The following HTT variants were observed in gnomAD, a reference collection of about 807,000 sequenced individuals.
HTT encodes the protein huntington disease protein.
HTT carries 104 observed loss-of-function variants against 362.3 expected under a neutral mutation model. The ratio of observed to expected loss-of-function variants is 0.29; its 90% CI spans 0.24 to 0.34. The LOEUF is 0.34. Among genes scored for constraint, HTT ranks in the 10% least tolerant of loss-of-function variants. HTT has a pLI of 1.00. For synonymous variants in HTT, 1,577 were observed against 1,548.7 expected (o/e 1.02, Z -0.43); for missense variants, 3,301 against 3,928.6 (o/e 0.84, Z 4.27).
chr4:3,075,275 G>T (rs1434964032), intron 1 of HTT, among the ~76,000 whole-genome samples, 187 bp downstream of exon 1: 1 of 152,212 alleles, frequency 6.6e-6, no homozygotes, highest in Non-Finnish European at 1.5e-5. Flanking sequence ...CCCCACTTCA[G>T]CCCCGCTCCC....
intron 21 of HTT, among the ~76,000 whole-genome samples, chr4:3,138,682 C>T (rs113928896): frequency 0.092 from 13,980 of 152,202 alleles, 1,025 homozygotes; most frequent in Non-Finnish European, 0.13. Context: ...GGTGCGATCT[C>T]GGCTCACTGC....
intron 61 of HTT, 92 bp downstream of exon 61, chr4:3,233,445 GC>G: frequency 7.8e-7 from 1 of 1,278,574 alleles, no homozygotes; most frequent in Non-Finnish European, 1.1e-6. Flanking sequence ...CAGGCTCCTG[GC>G]CAGATGGCAG....
In HTT at chr4:3,199,770, T is replaced by C. The variant is rs776295296; in HGVS notation, c.5407T>C (p.Phe1803Leu). 6.2e-6 allele frequency: 10 copies of C among 1,614,058 alleles called. No individual in the cohort carries two copies. Among genetic ancestry groups the C allele is most frequent in the Non-Finnish European group, 7.6e-6 (9 of 1,180,032 alleles). ...AATCACAGCAGCTGCCACTAGGCTG[T>C]TCCGCAGTGATGGCTGTGGCGGCAG... ...RRITAAATRLFRSDGCGGSFY... is the reference protein window; with the variant it reads ...RRITAAATRLLRSDGCGGSFY... Residue 1803 changes from phenylalanine to leucine, a missense_variant, in exon 41 of 67, where the codon TTC becomes CTC. Physicochemically the swap from Phe to Leu is conservative, Grantham distance 22. Around this residue, in one of 4 missense-constraint regions of HTT, gnomAD observed 2,316 missense variants for 2,658.5 expected, o/e 0.87. Transcript: ENST00000355072.
intron 3 of HTT, 61 bp from the exon 4 acceptor site, chr4:3,103,763 A>T (rs1714275247): frequency 9.8e-7 from 1 of 1,023,464 alleles, no homozygotes; most frequent in African/African-American, 1.6e-5. Context: ...GTTTCCTTTT[A>T]GCTCGTTTTA....
intron 29 of HTT, among the ~76,000 whole-genome samples, chr4:3,166,608 T>C (rs1717719645): frequency 6.6e-6 from 1 of 152,206 alleles, no homozygotes; most frequent in Non-Finnish European, 1.5e-5. Flanking sequence ...TTGTTTACAC[T>C]GTGAGCATAG....
intron 33 of HTT, among the ~76,000 whole-genome samples, chr4:3,175,340 G>T (rs900031013): frequency 2.0e-5 from 3 of 152,170 alleles, no homozygotes; most frequent in African/African-American, 7.2e-5. Flanking sequence ...CCTGGGGTTG[G>T]CTGTTAGGGA....
At chr4:3,113,279 T>C (rs1275173003) in intron 6 of HTT, among the ~76,000 whole-genome samples, 2 of 152,000 alleles carry the variant, frequency 1.3e-5, no homozygotes, top group Non-Finnish European at 2.9e-5. Context: ...TGCTGACTCA[T>C]CATAATAATG....
At chr4:3,121,577 T>C in intron 9 of HTT, 145 bp downstream of exon 9, 1 of 616,582 alleles carries the variant, frequency 1.6e-6, no homozygotes, top group Non-Finnish European at 2.8e-6. Context: ...ATCTTTATTT[T>C]ATAAATAGGG....
In HTT at chr4:3,209,731, G is replaced by A. The variant is rs1720055010; in HGVS notation, c.6292-96G>A. 52 of 1,485,032 alleles carry A rather than the reference G, an allele frequency of 3.5e-5. 1 individual carries two copies. The South Asian group carries it at 5.0e-4, about 14-fold the overall frequency. 92.0% of individuals were successfully genotyped at this position (1,485,032 alleles called of 1,614,324 possible). ...GGCAGCCCTCTCAGCCTAGTGCGGT[G>A]TTCCCAAGCACTGGCCTAGGCCTGT... is the stretch of plus-strand genomic sequence containing the variant. On this transcript the variant is annotated intron_variant, in intron 46 of 66. Transcript: ENST00000355072.
Position 3,120,339 on chromosome 4 carries a change from G to A in HTT, c.1069-889G>A, listed in dbSNP as rs1414138422. On this transcript the variant is annotated intron_variant, in intron 8 of 66. Transcript: ENST00000355072. The stretch of plus-strand genomic sequence containing the variant: ...TTGTTTGTTTACAGTTTAAATTTGA[G>A]TGCCTTGTATTTTATCTGGCAACTG... Among the ~76,000 whole-genome samples the A allele has an allele frequency of 2.6e-5, 4 of 152,124 alleles. No homozygotes were observed. In the East Asian group the frequency reaches 7.7e-4, roughly 29 times the overall value.
rs890054547 is a variant in HTT at position 3,157,121 on chromosome 4, A to G, written c.3675A>G (p.Ser1225=). 4 of 1,612,852 alleles carry G rather than the reference A, an allele frequency of 2.5e-6. No homozygotes were observed. The highest frequency in any genetic ancestry group is 1.7e-5 in the Admixed American group (1 of 59,960). ...GTCCTGTTACAACAAGTAAATCCTC[A>G]TCACTGGGGAGTTTCTATCATCTTC... The part of the protein sequence containing the change: ...TSGPVTTSKS[S]SLGSFYHLPS... The change falls in exon 28 of 67, where the codon TCA becomes TCG. Residue 1225 remains serine, a synonymous_variant. Coordinates refer to ENST00000355072, the MANE Select transcript of HTT (RefSeq NM_001388492.1).
chr4:3,085,198 C>T (rs545802300), intron 1 of HTT, among the ~76,000 whole-genome samples: 32 of 151,502 alleles, frequency 2.1e-4, no homozygotes, highest in African/African-American at 6.5e-4. Flanking sequence ...AGTGCAATGG[C>T]GCAATCTTGG....
In HTT at chr4:3,228,231, C is replaced by T. The variant is rs756442360; in HGVS notation, c.7849-384C>T. On this transcript the variant is annotated intron_variant, in intron 57 of 66. Coordinates refer to ENST00000355072, the MANE Select transcript of HTT (RefSeq NM_001388492.1). The surrounding 1 kb of genome is among the most constrained non-coding windows in gnomAD (Gnocchi z 4.3). ...GAGGGAGCTCTGGCCTTGGGTTTAC[C>T]GCAATGACTGCCAGTGCGGGAGACT... is the stretch of plus-strand genomic sequence containing the variant. Among the ~76,000 whole-genome samples, 12 of 152,310 alleles carry T rather than the reference C, an allele frequency of 7.9e-5. No individual in the cohort carries two copies. Among genetic ancestry groups the T allele is most frequent in the Non-Finnish European group, 1.3e-4 (9 of 68,026 alleles).
intron 46 of HTT, 152 bp downstream of exon 46, chr4:3,209,063 G>A: frequency 1.2e-6 from 1 of 833,892 alleles, no homozygotes; most frequent in Non-Finnish European, 1.8e-6. Flanking sequence ...AGACGTGGGG[G>A]GCCATCAAGG....
intron 18 of HTT, among the ~76,000 whole-genome samples, chr4:3,133,231 C>G (rs1715904649): frequency 6.6e-6 from 1 of 151,558 alleles, no homozygotes; most frequent in East Asian, 1.9e-4. Flanking sequence ...CACCTGTAAT[C>G]TGACCACTTT....
intron 1 of HTT, among the ~76,000 whole-genome samples, chr4:3,083,530 T>TATATATATACACAC (rs1165543364): frequency 1.5e-4 from 19 of 125,218 alleles, no homozygotes; most frequent in East Asian, 1.0e-3. Context: ...TCTCTAAATA[T>TATATATATACACAC]ACACACACAC....
intron 14 of HTT, 135 bp from the exon 15 acceptor site, chr4:3,131,151 A>G (rs363068): frequency 0.053 from 35,669 of 673,598 alleles, 1,204 homozygotes; most frequent in African/African-American, 0.12. Context: ...AGGTGTGCAT[A>G]TGGGCACAAA....
rs570705032 is a variant in HTT at position 3,103,736 on chromosome 4, C to T, written c.469-88C>T. 31 of 805,572 alleles carry T rather than the reference C, an allele frequency of 3.8e-5. No homozygotes were observed. In the East Asian group the frequency reaches 6.9e-4, roughly 18 times the overall value. 49.9% of individuals were successfully genotyped at this position (805,572 alleles called of 1,614,324 possible). A position where few individuals can be genotyped will look rare whatever the true frequency, so the allele number is the denominator to read the frequency against. On this transcript the variant is annotated intron_variant, in intron 3 of 66. Coordinates refer to ENST00000355072, the MANE Select transcript of HTT (RefSeq NM_001388492.1). ...AGTTGCTATTATGTTTTGCTTTGCC[C>T]CAAAATTGAAATCTTAGTTTCCTTT...
chr4:3,100,607 G>A (rs910715967), intron 3 of HTT, among the ~76,000 whole-genome samples: 1 of 152,156 alleles, frequency 6.6e-6, no homozygotes, highest in South Asian at 2.1e-4. Flanking sequence ...CTTGTTCTCC[G>A]TGCCTGCTGA....
Sources: allele counts gnomAD v4.1 joint callset (sites outside exome capture counted in the v4.1 genomes callset), GRCh38; gene constraint gnomAD v4.1.1; regional missense constraint gnomAD v4.1.1; non-coding constraint Gnocchi (gnomAD v3.1); transcripts MANE v1.5; gene names NCBI Gene and HGNC (gene_info 2026-07-23, HGNC 2026-07-21).